Variants in LAMC1 observed in about 807,000 individuals in gnomAD.
LAMC1 encodes laminin subunit gamma-1.
A neutral mutation model predicts 173.6 loss-of-function variants in LAMC1; 38 were observed. That is an observed-to-expected ratio of 0.22 (90% CI 0.17 to 0.29). The LOEUF (loss-of-function observed/expected upper bound fraction) is 0.29, where lower values mean the gene tolerates loss of function less well. LAMC1 is among the 10% of genes least tolerant of loss of function. The pLI is 1.00. For missense variants in LAMC1, 1,824 were observed against 2,051.8 expected (o/e 0.89, Z 2.14); for synonymous variants, 746 against 749.1 (o/e 1.00, Z 0.07).
At position 183,122,232 on chromosome 1, in the gene LAMC1, C is replaced by T. The variant is rs1656496558; in HGVS notation, c.2382C>T (p.Asn794=). 1.2e-6 allele frequency: 2 copies of T among 1,614,112 alleles called. No homozygotes were observed. The highest frequency in any genetic ancestry group is 3.3e-5 in the Admixed American group (2 of 60,024). ...AGACAAAGGAGGTGGTGTGCACCAA[C>T]TGTCCTACTGGCACCACTGGTAAGT... ...VPKTKEVVCT[N]CPTGTTGKRC... The change falls in exon 13 of 28, where the codon AAC becomes AAT. Residue 794 remains asparagine, a synonymous_variant. Transcript: ENST00000258341.
At chr1:183,027,260 T>G (rs1653713959) in intron 1 of LAMC1, among the ~76,000 whole-genome samples, 1 of 145,752 alleles carries the variant, frequency 6.9e-6, no homozygotes, top group African/African-American at 2.5e-5. Flanking sequence ...ACTTTCTGCT[T>G]GTTGTGGGGA....
chr1:183,088,134 G>T (rs1362586654), intron 1 of LAMC1, among the ~76,000 whole-genome samples: 1 of 152,088 alleles, frequency 6.6e-6, no homozygotes, highest in Non-Finnish European at 1.5e-5. Context: ...TCTTATTAAA[G>T]GCTGCCATAT....
intron 1 of LAMC1, among the ~76,000 whole-genome samples, chr1:183,057,420 CTGAAA>C (rs1176834889): frequency 1.3e-5 from 2 of 152,194 alleles, no homozygotes; most frequent in Non-Finnish European, 2.9e-5. Context: ...GCCTGACTCT[CTGAAA>C]ACTTCCTGAC....
intron 13 of LAMC1, 27 bp from the exon 14 acceptor site, chr1:183,124,604 C>G: frequency 6.2e-7 from 1 of 1,613,392 alleles, no homozygotes; most frequent in Non-Finnish European, 8.5e-7. Flanking sequence ...GCCTTTCTTT[C>G]ATAACATCAG....
intron 1 of LAMC1, among the ~76,000 whole-genome samples, chr1:183,066,804 A>G (rs894265654): frequency 6.6e-6 from 1 of 152,024 alleles, no homozygotes; most frequent in Non-Finnish European, 1.5e-5. Context: ...GGGGCCTTTC[A>G]GGGGGTTGGG....
intron 26 of LAMC1, chr1:183,138,654 T>C (rs1379738684): frequency 2.0e-5 from 3 of 152,154 alleles, no homozygotes; most frequent in Non-Finnish European, 4.4e-5. Context: ...AAGGAAACTA[T>C]CTCTGTGCAA....
chr1:183,041,159 G>T (rs1327459953), intron 1 of LAMC1, among the ~76,000 whole-genome samples: 5 of 152,182 alleles, frequency 3.3e-5, no homozygotes, highest in Admixed American at 6.5e-5. Flanking sequence ...AGCAAGTGGG[G>T]TGATGCAAAT....
intron 1 of LAMC1, among the ~76,000 whole-genome samples, chr1:183,081,969 C>T (rs1037451475): frequency 2.0e-5 from 3 of 152,194 alleles, no homozygotes; most frequent in Non-Finnish European, 4.4e-5. Flanking sequence ...CCCAGAATGT[C>T]ATATAGTTGG....
At chr1:183,092,401 G>A (rs545887562) in intron 1 of LAMC1, among the ~76,000 whole-genome samples, 8 of 150,738 alleles carry the variant, frequency 5.3e-5, no homozygotes, top group Non-Finnish European at 7.4e-5. Flanking sequence ...TCTCCTAAGG[G>A]CTGTCACAGA....
In LAMC1 at chr1:183,103,354, C is replaced by T. The variant is rs1655882882; in HGVS notation, c.445C>T (p.Arg149Cys). The change falls in exon 2 of 28, where the codon CGT becomes TGT. Residue 149 changes from arginine to cysteine, a missense_variant. By Grantham distance (180) the Arg-to-Cys change is radical (BLOSUM62 -3). Transcript: ENST00000258341. ...AAAAGCTTTTGACATCACCTATGTG[C>T]GTCTCAAGTTCCACACCAGCCGCCC... Reference protein sequence around the residue: ...LGKAFDITYVRLKFHTSRPES... With the variant: ...LGKAFDITYVCLKFHTSRPES... 1.2e-6 allele frequency: 2 copies of T among 1,613,956 alleles called. No individual in the cohort carries two copies. The highest frequency in any genetic ancestry group is 1.7e-6 in the Non-Finnish European group (2 of 1,179,924).
At chr1:183,107,990 A>G (rs1249214534) in intron 2 of LAMC1, among the ~76,000 whole-genome samples, 3 of 152,180 alleles carry the variant, frequency 2.0e-5, no homozygotes, top group African/African-American at 7.2e-5. Context: ...TTTATGCTGC[A>G]CATTATATTT....
chr1:183,130,425 G>A lies in LAMC1; in HGVS notation c.3362G>A (p.Arg1121Gln), dbSNP rs20559. Residue 1121 changes from arginine (R) to glutamine (Q), a missense_variant, in exon 19 of 28, where the codon CGG (arginine) becomes CAG (glutamine). Arg to Gln is a conservative substitution (Grantham distance 43). Coordinates refer to ENST00000258341, the MANE Select transcript of LAMC1 (RefSeq NM_002293.4). Reference protein sequence around the residue: ...SSQISRLQNIRNTIEETGNLA... With the variant: ...SSQISRLQNIQNTIEETGNLA... ...CAAATTAGCCGTTTACAGAATATCC[G>A]GAATACCATTGAAGAGACTGGAAAC... The A allele has an allele frequency of 0.059, 94,835 of 1,613,930 alleles. 3,285 individuals carry two copies. Among genetic ancestry groups the A allele is most frequent in the Non-Finnish European group, 0.07 (83,013 of 1,179,838 alleles).
At chr1:183,058,533 G>T (rs1326647184) in intron 1 of LAMC1, among the ~76,000 whole-genome samples, 3 of 152,142 alleles carry the variant, frequency 2.0e-5, no homozygotes, top group Non-Finnish European at 1.5e-5. Flanking sequence ...TGGGAGTCTG[G>T]TGTGTGAAAA....
At position 183,116,600 on chromosome 1, in the gene LAMC1, G is replaced by A; in HGVS notation, c.1352G>A (p.Gly451Asp). Residue 451 changes from glycine to aspartate, a missense_variant, in exon 7 of 28, where the codon GGC becomes GAC. Physicochemically the swap from Gly to Asp is moderately conservative, Grantham distance 94 (BLOSUM62 -1). Transcript: ENST00000258341. ...AGGCCATGCTCTTGTGATCCCTCTG[G>A]CAGCATAGATGAATGTAATATTGAA... ...GCRPCSCDPS[G>D]SIDECNIETG... 1 of 1,611,758 alleles carries A rather than the reference G, an allele frequency of 6.2e-7. No homozygotes were observed.
intron 1 of LAMC1, among the ~76,000 whole-genome samples, chr1:183,051,158 A>C (rs1392528589): frequency 6.6e-6 from 1 of 152,174 alleles, no homozygotes; most frequent in Admixed American, 6.5e-5. Context: ...AGATGCTTTG[A>C]CACTCCTCCT....
At chr1:183,094,836 T>A (rs2102062371) in intron 1 of LAMC1, among the ~76,000 whole-genome samples, 1 of 152,040 alleles carries the variant, frequency 6.6e-6, no homozygotes, top group East Asian at 1.9e-4. Flanking sequence ...AAATGAAGGA[T>A]TGGAGGGGTT....
intron 1 of LAMC1, among the ~76,000 whole-genome samples, chr1:183,072,427 C>CA (rs1655032642): frequency 6.6e-6 from 1 of 152,214 alleles, no homozygotes. Flanking sequence ...CTCAGATTTT[C>CA]AACATTGTAT....
intron 1 of LAMC1, among the ~76,000 whole-genome samples, chr1:183,061,117 G>A (rs1316933011): frequency 6.6e-6 from 1 of 152,158 alleles, no homozygotes; most frequent in East Asian, 1.9e-4. Flanking sequence ...GATCAGAAAG[G>A]CAAAAGGAGA....
intron 1 of LAMC1, among the ~76,000 whole-genome samples, chr1:183,065,787 G>A (rs1478067421): frequency 5.3e-5 from 8 of 152,216 alleles, no homozygotes; most frequent in African/African-American, 1.4e-4. Flanking sequence ...ATGACAAGTA[G>A]TTGTTTACTT....
Sources: gnomAD v4.1 joint callset for allele counts (sites outside exome capture counted in the v4.1 genomes callset) on GRCh38, gnomAD v4.1.1 for gene constraint, MANE v1.5 for transcripts, NCBI Gene and HGNC (gene_info 2026-07-23, HGNC 2026-07-21) for gene names.